Variants in HTR4 observed in about 807,000 individuals in gnomAD.
HTR4 encodes 5-hydroxytryptamine receptor 4, also known as 5-hydroxytryptamine (serotonin) receptor 4, G protein-coupled.
HTR4 carries 16 observed loss-of-function variants against 36.8 expected under a neutral mutation model. The ratio of observed to expected loss-of-function variants is 0.43; its 90% confidence interval spans 0.29 to 0.66. The LOEUF (loss-of-function observed/expected upper bound fraction) is 0.66, where lower values mean the gene tolerates loss of function less well. Ranked by LOEUF, HTR4 falls within the 30% of genes least tolerant of loss-of-function variation. HTR4 has a pLI of 0.13. For missense variants in HTR4, 438 were observed against 490.9 expected (o/e 0.89, Z 1.02); for synonymous variants, 189 against 185.1 (o/e 1.02, Z -0.17).
intron 1 of HTR4, among the ~76,000 whole-genome samples, chr5:148,643,422 GT>G (rs893810822): frequency 2.0e-5 from 3 of 151,880 alleles, no homozygotes; most frequent in South Asian, 2.1e-4. Flanking sequence ...TAGAAATCAG[GT>G]TTTTTTTCCC....
intron 6 of HTR4, among the ~76,000 whole-genome samples, chr5:148,509,044 C>T (rs1757361680): frequency 6.6e-6 from 1 of 151,974 alleles, no homozygotes; most frequent in Middle Eastern, 3.4e-3. Context: ...TCTAAAGTAA[C>T]ACCTTTAAAT....
At chr5:148,477,118 A>C (rs1204411823), downstream of HTR4, among the ~76,000 whole-genome samples, 1 of 152,212 alleles carries the variant, frequency 6.6e-6, no homozygotes, top group Non-Finnish European at 1.5e-5. Flanking sequence ...TTTAGAGCCT[A>C]ATTCCCCAAT....
chr5:148,601,361 CAG>C (rs1324591805), intron 2 of HTR4, among the ~76,000 whole-genome samples: 1 of 152,114 alleles, frequency 6.6e-6, no homozygotes, highest in Non-Finnish European at 1.5e-5. Flanking sequence ...GAATTGAAAT[CAG>C]AGTCTCGAAG....
chr5:148,481,471 T>G (rs1343356521), downstream of HTR4: 2 of 1,098,234 alleles, frequency 1.8e-6, no homozygotes, highest in Non-Finnish European at 2.6e-6. Flanking sequence ...TTTCAGAGGC[T>G]ATTTTCCTTC....
chr5:148,545,725 G>A (rs994919048), intron 4 of HTR4, among the ~76,000 whole-genome samples: 2 of 152,202 alleles, frequency 1.3e-5, no homozygotes, highest in African/African-American at 4.8e-5. Context: ...AGCAACTCGG[G>A]CCTGGAGGTG....
intron 2 of HTR4, among the ~76,000 whole-genome samples, chr5:148,569,532 T>G (rs1033809006): frequency 6.6e-6 from 1 of 151,978 alleles, no homozygotes; most frequent in Non-Finnish European, 1.5e-5. Flanking sequence ...AATGACTTTT[T>G]AAATTAAAAA....
At chr5:148,488,269 C>A (rs985010833) in intron 6 of HTR4, among the ~76,000 whole-genome samples, 2 of 152,174 alleles carry the variant, frequency 1.3e-5, no homozygotes, top group Non-Finnish European at 2.9e-5. Flanking sequence ...ATTAAATAAT[C>A]TGAATGACAG....
intron 1 of HTR4, among the ~76,000 whole-genome samples, chr5:148,646,571 G>C (rs1483719198): frequency 1.3e-5 from 2 of 152,026 alleles, no homozygotes; most frequent in Admixed American, 1.3e-4. Flanking sequence ...CTCCCCAAAG[G>C]CTGCTGTCTA....
chr5:148,533,322 T>C (rs1208538957), intron 4 of HTR4, among the ~76,000 whole-genome samples: 1 of 152,234 alleles, frequency 6.6e-6, no homozygotes, highest in Non-Finnish European at 1.5e-5. Flanking sequence ...AAGTAATTTC[T>C]TATGCAAAAC....
chr5:148,482,108 G>A lies in HTR4; in HGVS notation c.*1095C>T. 1.0e-6 allele frequency: 1 copy of A among 985,104 alleles called. No individual in the cohort carries two copies. The highest frequency in any genetic ancestry group is 1.1e-4 in the East Asian group (1 of 8,832). The allele number at this position is 985,104 out of a possible 1,614,324, so 61.0% of individuals were successfully genotyped here. A position where few individuals can be genotyped will look rare whatever the true frequency, so the allele number is the denominator to read the frequency against. ...TCACAGCTTGTTTGCAGCACAGCCA[G>A]GGCGGCAATTTGGGTCCTCTGGCTT... On this transcript the variant is annotated 3_prime_UTR_variant, in exon 7 of 7. Transcript: ENST00000377888.
intron 2 of HTR4, among the ~76,000 whole-genome samples, chr5:148,552,292 TAAATC>T (rs1373996815): frequency 6.6e-6 from 1 of 152,256 alleles, no homozygotes; most frequent in Non-Finnish European, 1.5e-5. Context: ...TATGCTTATT[TAAATC>T]ACCCTTCTAC....
At chr5:148,566,675 A>T (rs1232677176) in intron 2 of HTR4, among the ~76,000 whole-genome samples, 1 of 152,208 alleles carries the variant, frequency 6.6e-6, no homozygotes, top group Non-Finnish European at 1.5e-5. Context: ...GTAACACTGA[A>T]ATGCAAATCT....
At chr5:148,602,243 C>T (rs1762025097) in intron 2 of HTR4, among the ~76,000 whole-genome samples, 1 of 152,104 alleles carries the variant, frequency 6.6e-6, no homozygotes, top group Admixed American at 6.5e-5. Context: ...TGTATACTTA[C>T]TCCCACACTC....
chr5:148,528,796 T>C (rs1349289663), intron 4 of HTR4, among the ~76,000 whole-genome samples: 5 of 152,066 alleles, frequency 3.3e-5, no homozygotes, highest in Non-Finnish European at 7.4e-5. Context: ...CAGAATTAGC[T>C]AATTAAATTT....
chr5:148,599,959 A>G (rs1469541085), intron 2 of HTR4, among the ~76,000 whole-genome samples: 1 of 151,790 alleles, frequency 6.6e-6, no homozygotes, highest in African/African-American at 2.4e-5. Context: ...AAAGGAGAAA[A>G]AGCAATAATA....
chr5:148,451,493 C>T (rs1314329192), intron 5 of HTR4, among the ~76,000 whole-genome samples: 6 of 152,086 alleles, frequency 3.9e-5, no homozygotes, highest in Admixed American at 6.6e-5. Flanking sequence ...CTGGAGGAAA[C>T]GACAGGCCTA....
downstream of HTR4, among the ~76,000 whole-genome samples, chr5:148,471,829 A>G (rs957954418): frequency 6.6e-6 from 1 of 152,244 alleles, no homozygotes; most frequent in Admixed American, 6.5e-5. Context: ...TAGGGAAAAG[A>G]TCATGGATTT....
chr5:148,584,630 A>G (rs534066224), intron 2 of HTR4, among the ~76,000 whole-genome samples: 1 of 152,258 alleles, frequency 6.6e-6, no homozygotes, highest in Non-Finnish European at 1.5e-5. Context: ...TTCCTAGGTG[A>G]CAGACCCCAG....
intron 2 of HTR4, among the ~76,000 whole-genome samples, chr5:148,588,527 C>CTTTTTTT (rs35749777): frequency 2.7e-5 from 3 of 110,160 alleles, no homozygotes; most frequent in African/African-American, 3.6e-5. Flanking sequence ...GGTTTTAATT[C>CTTTTTTT]TTTTTTTTTT....
Sources: gnomAD v4.1 joint callset for allele counts (sites outside exome capture counted in the v4.1 genomes callset) on GRCh38, gnomAD v4.1.1 for gene constraint, MANE v1.5 for transcripts, NCBI Gene and HGNC (gene_info 2026-07-23, HGNC 2026-07-21) for gene names.